BPIFB4: variants seen among roughly 807,000 people sequenced by gnomAD.
BPIFB4 encodes the protein BPI fold-containing family B member 4.
BPIFB4 carries 62 observed loss-of-function variants against 69.2 expected under a neutral mutation model. The ratio of observed to expected loss-of-function variants is 0.90; its 90% CI spans 0.73 to 1.11. The LOEUF is 1.11. BPIFB4 is among the 50% of genes least tolerant of loss of function. The pLI is 0.00. For missense variants in BPIFB4, 789 were observed against 792.0 expected (o/e 1.00, Z 0.04); for synonymous variants, 330 against 332.7 (o/e 0.99, Z 0.09).
Position 33,083,287 on chromosome 20 carries a change from G to T in BPIFB4, c.170-80G>T. 6.1e-6 allele frequency: 9 copies of T among 1,468,686 alleles called. No homozygotes were observed. The South Asian group carries it at 7.6e-5, about 12-fold the overall frequency. 91.0% of individuals were successfully genotyped at this position (1,468,686 alleles called of 1,614,324 possible). On this transcript the variant is annotated intron_variant, in intron 4 of 17. Coordinates refer to ENST00000375483, the MANE Select transcript of BPIFB4 (RefSeq NM_182519.3). Reference sequence around the variant, plus strand: ...TGCTGGGTGGCAGTAGAGGGGGGCTGCTGGGTGGCAGTGGTGGTGGTCTTT... The same window carrying T: ...TGCTGGGTGGCAGTAGAGGGGGGCTTCTGGGTGGCAGTGGTGGTGGTCTTT...
intron 10 of BPIFB4, 71 bp downstream of exon 10, chr20:33,090,870 C>T: frequency 1.3e-6 from 2 of 1,569,822 alleles, no homozygotes; most frequent in Non-Finnish European, 1.7e-6. Flanking sequence ...GTGAGGCCCT[C>T]CCAGGGCTTC....
chr20:33,095,555 G>A (rs78413236), intron 12 of BPIFB4, among the ~76,000 whole-genome samples: 156 of 152,266 alleles, frequency 1.0e-3, no homozygotes, highest in African/African-American at 3.6e-3. Flanking sequence ...AGGTGTCAAC[G>A]CGGGCCAGGC....
At chr20:33,088,000 G>A (rs1405224138) in intron 7 of BPIFB4, among the ~76,000 whole-genome samples, 7 of 152,152 alleles carry the variant, frequency 4.6e-5, no homozygotes, top group African/African-American at 1.7e-4. Flanking sequence ...TCGGTGGCGA[G>A]GGACGGAGTG....
chr20:33,086,160 C>A lies in BPIFB4; in HGVS notation c.922C>A (p.Arg308=). The A allele has an allele frequency of 6.2e-7, 1 of 1,604,976 alleles. No homozygotes were observed. Among genetic ancestry groups the A allele is most frequent in the Non-Finnish European group, 8.5e-7 (1 of 1,172,514 alleles). The part of the protein sequence containing the change: ...LLGGIKVKLL[R]GLLPNLVDNL... ...AGGGGGCATCAAAGTCAAGCTGCTGCGAGGGTGAGTGCTAGCCGGCAGTGG... is the reference window on the plus strand; with the variant it reads ...AGGGGGCATCAAAGTCAAGCTGCTGAGAGGGTGAGTGCTAGCCGGCAGTGG... Residue 308 remains arginine, a synonymous_variant, in exon 7 of 18, where the codon CGA becomes AGA. Coordinates refer to ENST00000375483, the MANE Select transcript of BPIFB4 (RefSeq NM_182519.3).
chr20:33,095,193 T>C (rs2146410205), intron 12 of BPIFB4, 40 bp downstream of exon 12: 1 of 1,547,788 alleles, frequency 6.5e-7, no homozygotes, highest in East Asian at 2.2e-5. Context: ...TCAGCCTCAT[T>C]CTCTATCTTG....
chr20:33,101,159 TC>T (rs1981898228), intron 14 of BPIFB4, among the ~76,000 whole-genome samples: 1 of 152,178 alleles, frequency 6.6e-6, no homozygotes, highest in Admixed American at 6.5e-5. Context: ...ATCTTGTTTC[TC>T]CCCTCTGATG....
intron 6 of BPIFB4, 102 bp downstream of exon 6, chr20:33,085,098 C>A: frequency 6.7e-7 from 1 of 1,499,228 alleles, no homozygotes; most frequent in Non-Finnish European, 8.9e-7. Flanking sequence ...CCAGTGCATG[C>A]CCACAGACTT....
intron 12 of BPIFB4, among the ~76,000 whole-genome samples, chr20:33,096,562 A>G (rs1004153207): frequency 1.1e-4 from 16 of 152,248 alleles, no homozygotes; most frequent in African/African-American, 3.9e-4. Context: ...GGCATGAGCC[A>G]CAGTGCCCAG....
At chr20:33,106,902 G>C (rs2146416891) in intron 16 of BPIFB4, among the ~76,000 whole-genome samples, 1 of 152,270 alleles carries the variant, frequency 6.6e-6, no homozygotes, top group East Asian at 1.9e-4. Context: ...CAAAGGCCTA[G>C]AGGCATAAAA....
At position 33,084,882 on chromosome 20, in the gene BPIFB4, T is replaced by C; in HGVS notation, c.678-10T>C. 1.2e-6 allele frequency: 2 copies of C among 1,604,492 alleles called. No homozygotes were observed. The highest frequency in any genetic ancestry group is 8.5e-7 in the Non-Finnish European group (1 of 1,179,572). ...TGGCCGGCCTTCTCACCACTCTGTG[T>C]CCCGAGCAGGCTGCGTATCGTGGAG... On this transcript the variant is annotated splice_polypyrimidine_tract_variant and intron_variant, in intron 5 of 17. Coordinates refer to ENST00000375483, the MANE Select transcript of BPIFB4 (RefSeq NM_182519.3).
chr20:33,100,751 C>T (rs573802271), intron 14 of BPIFB4, among the ~76,000 whole-genome samples: 1 of 152,352 alleles, frequency 6.6e-6, no homozygotes, highest in East Asian at 1.9e-4. Context: ...CACAGTAGCC[C>T]ATGCCTGTAG....
rs1468945191 is a variant in BPIFB4 at position 33,090,651 on chromosome 20, A to G, written c.1052-57A>G. 1.1e-5 allele frequency: 17 copies of G among 1,603,610 alleles called. No individual in the cohort carries two copies. In the Admixed American group the frequency reaches 2.7e-4, roughly 25 times the overall value. On this transcript the variant is annotated intron_variant, in intron 9 of 17. Transcript: ENST00000375483. ...CCATCCCCAGCCCCAGTGTATGAGG[A>G]GGGAAGGCATCTGGATGGTGAGGGG...
At chr20:33,096,439 C>A (rs775136866) in intron 12 of BPIFB4, among the ~76,000 whole-genome samples, 5 of 152,118 alleles carry the variant, frequency 3.3e-5, no homozygotes, top group Non-Finnish European at 7.4e-5. Context: ...CCATGCCTGG[C>A]TAATTTTATA....
chr20:33,101,669 C>T (rs940914641), intron 14 of BPIFB4, among the ~76,000 whole-genome samples: 12 of 152,150 alleles, frequency 7.9e-5, no homozygotes, highest in African/African-American at 2.9e-4. Context: ...CCTCAGCCTC[C>T]CAAGTAGCTG....
chr20:33,096,403 G>A (rs1246111985), intron 12 of BPIFB4, among the ~76,000 whole-genome samples: 2 of 152,170 alleles, frequency 1.3e-5, no homozygotes, highest in African/African-American at 4.8e-5. Context: ...AGCCTCCTGA[G>A]TAGCTGGGAC....
intron 6 of BPIFB4, 145 bp from the exon 7 acceptor site, chr20:33,085,876 C>A: frequency 2.1e-6 from 2 of 947,126 alleles, no homozygotes. Flanking sequence ...CTTGAGGGAC[C>A]AGGGAAGAGT....
At chr20:33,107,608 C>A in intron 16 of BPIFB4, 136 bp from the exon 17 acceptor site, 1 of 631,928 alleles carries the variant, frequency 1.6e-6, no homozygotes, top group Non-Finnish European at 2.8e-6. Context: ...TGCACTCCAG[C>A]CTGGGCAACA....
chr20:33,107,902 C>T (rs1568589580), intron 17 of BPIFB4, 82 bp downstream of exon 17: 1 of 1,254,334 alleles, frequency 8.0e-7, no homozygotes, highest in East Asian at 2.3e-5. Context: ...AGGCCAGGAA[C>T]TTGGAAGAGG....
At chr20:33,088,277 G>T (rs1424725893) in intron 7 of BPIFB4, among the ~76,000 whole-genome samples, 21 of 151,330 alleles carry the variant, frequency 1.4e-4, no homozygotes, top group African/African-American at 5.1e-4. Flanking sequence ...GGAGTTCAAG[G>T]CTGCAGTGAG....
Sources: gnomAD v4.1 joint callset for allele counts (sites outside exome capture counted in the v4.1 genomes callset) on GRCh38, gnomAD v4.1.1 for gene constraint, MANE v1.5 for transcripts, NCBI Gene and HGNC (gene_info 2026-07-23, HGNC 2026-07-21) for gene names.